Variants in DMAP1 observed in about 807,000 individuals in gnomAD.
The protein encoded by DMAP1 is DNA methyltransferase 1 associated protein 1, also known as DNA methyltransferase 1-associated protein 1.
DMAP1 carries 26 observed loss-of-function variants against 52.7 expected under a neutral mutation model. The ratio of observed to expected loss-of-function variants is 0.49; its 90% CI spans 0.36 to 0.68. The LOEUF is 0.68. Ranked by LOEUF, DMAP1 falls within the 30% of genes least tolerant of loss-of-function variation. The pLI is 0.00. For synonymous variants in DMAP1, 231 were observed against 246.0 expected, an observed-to-expected ratio of 0.94 and a Z score of 0.57; for missense variants, 439 against 625.2, an observed-to-expected ratio of 0.70 and a Z score of 3.18.
rs763717827 is a variant in DMAP1 at position 44,220,118 on chromosome 1, G to A, written c.1153G>A (p.Glu385Lys). Reference sequence around the variant, plus strand: ...GCTCAAGCAGGCCTGTGCCAACTGCGAGTATGAGCTGCAGATGCTGCGGCA... The same window carrying A: ...GCTCAAGCAGGCCTGTGCCAACTGCAAGTATGAGCTGCAGATGCTGCGGCA... Reference protein sequence around the residue: ...YELKQACANCEYELQMLRHRH... With the variant: ...YELKQACANCKYELQMLRHRH... Residue 385 changes from glutamate (E) to lysine (K), a missense_variant, in exon 9 of 10, where the codon GAG becomes AAG. By Grantham distance (56) the Glu-to-Lys change is moderately conservative (BLOSUM62 1). This residue lies in a region of DMAP1 where 179 missense variants were observed against 285.9 expected (regional missense o/e 0.63). Transcript: ENST00000372289. 1 of 1,612,710 alleles carries A rather than the reference G, an allele frequency of 6.2e-7. No homozygotes were observed. Among genetic ancestry groups the A allele is most frequent in the African/African-American group, 1.3e-5 (1 of 74,930 alleles).
chr1:44,214,559 G>T, intron 2 of DMAP1, 118 bp downstream of exon 2: 1 of 1,612,398 alleles, frequency 6.2e-7, no homozygotes, highest in African/African-American at 1.3e-5. Context: ...TGCTTGCTTA[G>T]CAGGATGCAG....
intron 3 of DMAP1, 160 bp downstream of exon 3, chr1:44,215,058 T>C: frequency 1.2e-6 from 1 of 819,116 alleles, no homozygotes. Context: ...AGTAGGACTC[T>C]GTGGGTCTTT....
chr1:44,219,860 C>T lies in DMAP1; in HGVS notation c.1033C>T (p.Leu345=), dbSNP rs1318251707. 1 of 1,614,228 alleles carries T rather than the reference C, an allele frequency of 6.2e-7. No homozygotes were observed. Among genetic ancestry groups the T allele is most frequent in the South Asian group, 1.1e-5 (1 of 91,086 alleles). ...GAAGATCAAGGCCCTGGAACAGATGCTGCTGGAGCTTGGTGTGGGTGAGTG... is the reference window on the plus strand; with the variant it reads ...GAAGATCAAGGCCCTGGAACAGATGTTGCTGGAGCTTGGTGTGGGTGAGTG... ...QKKIKALEQM[L]LELGVELSPT... The change falls in exon 8 of 10, where the codon CTG becomes TTG. Residue 345 remains leucine (L), a synonymous_variant. Transcript: ENST00000372289.
chr1:44,218,338 C>A lies in DMAP1; in HGVS notation c.421C>A (p.Gln141Lys). The change falls in exon 4 of 10, where the codon CAG becomes AAG. Residue 141 changes from glutamine (Q) to lysine (K), a missense_variant. Gln to Lys is a moderately conservative substitution (Grantham distance 53, BLOSUM62 1). Around this residue, in one of 3 missense-constraint regions of DMAP1, gnomAD observed 118 missense variants for 189.8 expected, o/e 0.62. Coordinates refer to ENST00000372289, the MANE Select transcript of DMAP1 (RefSeq NM_019100.5). This position sits in a 1 kb window ranked among gnomAD's most constrained non-coding sequence, Gnocchi z 5.6. ...TGTGCAGGTGCCTGTGTACTCGGAG[C>A]AGGAGTACCAGCTTTATCTCCACGA... ...KTVQVPVYSE[Q>K]EYQLYLHDDA... is the part of the protein sequence containing the mutation. 3 of 1,614,234 alleles carry A rather than the reference C, an allele frequency of 1.9e-6. No individual in the cohort carries two copies. Among genetic ancestry groups the A allele is most frequent in the Non-Finnish European group, 2.5e-6 (3 of 1,180,044 alleles).
Position 44,214,781 on chromosome 1 carries a change from G to A in DMAP1, c.276G>A (p.Val92=). ...AGGCCAAGTTGGGCTCCAAGAAGGT[G>A]CGGCCTTGGAAGTGGATGCCATTCA... is the stretch of plus-strand genomic sequence containing the variant. ...TVKAKLGSKK[V]RPWKWMPFTN... is the part of the protein sequence containing the mutation. The change falls in exon 3 of 10, where the codon GTG becomes GTA. Residue 92 remains valine, a synonymous_variant. Coordinates refer to ENST00000372289, the MANE Select transcript of DMAP1 (RefSeq NM_019100.5). 6.2e-7 allele frequency: 1 copy of A among 1,614,224 alleles called. No homozygotes were observed.
chr1:44,218,088 G>A lies in DMAP1; in HGVS notation c.394-223G>A, dbSNP rs1406071188. The A allele has an allele frequency of 6.3e-6, 4 of 635,886 alleles. No individual in the cohort carries two copies. The Admixed American group carries it at 6.8e-5, about 11-fold the overall frequency. The allele number at this position is 635,886 out of a possible 1,614,324, so 39.4% of individuals were successfully genotyped here. A position where few individuals can be genotyped will look rare whatever the true frequency, so the allele number is the denominator to read the frequency against. On this transcript the variant is annotated intron_variant, in intron 3 of 9. Coordinates refer to ENST00000372289, the MANE Select transcript of DMAP1 (RefSeq NM_019100.5). This position sits in a 1 kb window ranked among gnomAD's most constrained non-coding sequence, Gnocchi z 5.6. ...TCCCATGACTGAGGCTCTGGAGCTG[G>A]AGACAGTGAAGTTGATCCTGGAATA... is the stretch of plus-strand genomic sequence containing the variant.
rs768107239 is a variant in DMAP1, at chr1:44,220,274, A to G, written c.1309A>G (p.Ile437Val). The G allele has an allele frequency of 2.6e-6, 4 of 1,560,858 alleles. No individual in the cohort carries two copies. The highest frequency in any genetic ancestry group is 3.5e-6 in the Non-Finnish European group (4 of 1,148,428). Reference sequence around the variant, plus strand: ...TGGTCCTGACCCCAAGGACACCATCATTGATGTGGTGGGCGCACCCCTCAC... The same window carrying G: ...TGGTCCTGACCCCAAGGACACCATCGTTGATGTGGTGGGCGCACCCCTCAC... ...GLGPDPKDTI[I>V]DVVGAPLTPN... The change falls in exon 9 of 10, where the codon ATT becomes GTT. Residue 437 changes from isoleucine (I) to valine (V), a missense_variant. Coordinates refer to ENST00000372289, the MANE Select transcript of DMAP1 (RefSeq NM_019100.5).
intron 2 of DMAP1, 35 bp downstream of exon 2, chr1:44,214,476 G>A (rs1412942218): frequency 1.2e-6 from 2 of 1,613,586 alleles, no homozygotes; most frequent in Admixed American, 3.3e-5. Flanking sequence ...CCAGGTTTTG[G>A]CCCCTGATTC....
At chr1:44,219,918 G>A (rs765263768) in intron 8 of DMAP1, 40 bp downstream of exon 8, 29 of 1,613,642 alleles carry the variant, frequency 1.8e-5, no homozygotes, top group Non-Finnish European at 2.3e-5. Flanking sequence ...GTACCCACCC[G>A]AGGCTGTGGA....
rs1643855547 is a variant in DMAP1 at position 44,219,222 on chromosome 1, A to G, written c.887A>G (p.Lys296Arg). Residue 296 changes from lysine to arginine, a missense_variant, in exon 6 of 10, where the codon AAA becomes AGA. Coordinates refer to ENST00000372289, the MANE Select transcript of DMAP1 (RefSeq NM_019100.5). ...RKAPKKKLPQ[K>R]KEAEKPAVPE... Reference sequence around the variant, plus strand: ...GCCCCCAAAAAGAAGCTACCCCAGAAAAAGGAGGCTGAGAAGCCGGTGCGG... The same window carrying G: ...GCCCCCAAAAAGAAGCTACCCCAGAGAAAGGAGGCTGAGAAGCCGGTGCGG... The G allele has an allele frequency of 6.2e-7, 1 of 1,613,392 alleles. No homozygotes were observed. Among genetic ancestry groups the G allele is most frequent in the Non-Finnish European group, 8.5e-7 (1 of 1,179,854 alleles).
rs1389125429 is a variant in DMAP1 at position 44,215,740 on chromosome 1, C to T, written c.393+842C>T. The T allele has an allele frequency of 2.2e-5, 4 of 184,460 alleles. No homozygotes were observed. The South Asian group carries it at 3.1e-4, about 15-fold the overall frequency. The allele number at this position is 184,460 out of a possible 1,614,324, so 11.4% of individuals were successfully genotyped here. ...TTGATTCTTTTTCCATAATAAATCA[C>T]ATCTCTGACTATATTCTTCATCACT... On this transcript the variant is annotated intron_variant, in intron 3 of 9. Coordinates refer to ENST00000372289, the MANE Select transcript of DMAP1 (RefSeq NM_019100.5).
chr1:44,219,840 T>C lies in DMAP1; in HGVS notation c.1013T>C (p.Ile338Thr). ...CCAAGCTCTGTGGGACAGAAGAAGA[T>C]CAAGGCCCTGGAACAGATGCTGCTG... is the stretch of plus-strand genomic sequence containing the variant. ...KLPSSVGQKK[I>T]KALEQMLLEL... The change falls in exon 8 of 10, where the codon ATC (isoleucine) becomes ACC (threonine). Residue 338 changes from isoleucine (I) to threonine (T), a missense_variant. Ile to Thr is a moderately conservative substitution (Grantham distance 89). Transcript: ENST00000372289. 6.2e-7 allele frequency: 1 copy of C among 1,614,156 alleles called. No homozygotes were observed. The highest frequency in any genetic ancestry group is 1.1e-5 in the South Asian group (1 of 91,084).
intron 6 of DMAP1, 61 bp downstream of exon 6, chr1:44,219,302 C>G: frequency 6.3e-7 from 1 of 1,579,572 alleles, no homozygotes; most frequent in East Asian, 2.2e-5. Context: ...AGGCCTCACC[C>G]CGAGTGGAGG....
rs769406928 is a variant in DMAP1, at chr1:44,218,222, A to G, written c.394-89A>G. On this transcript the variant is annotated intron_variant, in intron 3 of 9. Transcript: ENST00000372289. The surrounding 1 kb of genome is among the most constrained non-coding windows in gnomAD (Gnocchi z 5.6). ...GCACAGGCCCAGGGTCTGGCAACAA[A>G]CAGGAGCAGCTGTGGTCACTGGGGC... The G allele has an allele frequency of 1.3e-6, 2 of 1,576,960 alleles. No homozygotes were observed.
rs546986751 is a variant in DMAP1 at position 44,219,115 on chromosome 1, G to A, written c.780G>A (p.Glu260=). 2 of 1,614,236 alleles carry A rather than the reference G, an allele frequency of 1.2e-6. No individual in the cohort carries two copies. The highest frequency in any genetic ancestry group is 1.1e-5 in the South Asian group (1 of 91,090). The change falls in exon 6 of 10, where the codon GAG becomes GAA. Residue 260 remains glutamate (E), a synonymous_variant. Transcript: ENST00000372289. ...GCAAGATTGAGGCCCGGAAGAAGGA[G>A]CGGGAGAAACGCAGCCAGGACCTGC... ...ELRKIEARKK[E]REKRSQDLQK... is the part of the protein sequence containing the mutation.
chr1:44,219,500 C>T (rs201621376), intron 7 of DMAP1, 23 bp downstream of exon 7: 3 of 1,553,562 alleles, frequency 1.9e-6, no homozygotes, highest in Non-Finnish European at 2.6e-6. Flanking sequence ...CCTCCTTTAG[C>T]AAGTTTGGGT....
intron 3 of DMAP1, chr1:44,215,464 C>T (rs1055850963): frequency 5.3e-6 from 2 of 377,534 alleles, no homozygotes; most frequent in African/African-American, 4.2e-5. Context: ...TCCCTTAGTC[C>T]TCACAGTATT....
rs1024243475 is a variant in DMAP1, at chr1:44,220,288, C to T, written c.1323C>T (p.Gly441=). 15 of 1,551,692 alleles carry T rather than the reference C, an allele frequency of 9.7e-6. No homozygotes were observed. The highest frequency in any genetic ancestry group is 4.5e-5 in the East Asian group (2 of 44,074). The change falls in exon 9 of 10, where the codon GGC becomes GGT. Residue 441 remains glycine, a synonymous_variant. Transcript: ENST00000372289. ...AGGACACCATCATTGATGTGGTGGGCGCACCCCTCACGCCCAATTCGGTAA... is the reference window on the plus strand; with the variant it reads ...AGGACACCATCATTGATGTGGTGGGTGCACCCCTCACGCCCAATTCGGTAA... ...DPKDTIIDVV[G]APLTPNSRKR...
In DMAP1 at chr1:44,218,867, CTTA is replaced by C; in HGVS notation, c.720+116_720+118del. On this transcript the variant is annotated intron_variant, in intron 5 of 9. Coordinates refer to ENST00000372289, the MANE Select transcript of DMAP1 (RefSeq NM_019100.5). The surrounding 1 kb of genome is among the most constrained non-coding windows in gnomAD (Gnocchi z 5.6). The stretch of plus-strand genomic sequence containing the variant: ...AGGTCCCCCTGCCTCCCACTGATAC[CTTA>C]TTAACTGCCCCAAGCCCATTCCTAC... 6.8e-7 allele frequency: 1 copy of C among 1,464,232 alleles called. No homozygotes were observed. Among genetic ancestry groups the C allele is most frequent in the South Asian group, 1.3e-5 (1 of 74,898 alleles). The allele number at this position is 1,464,232 out of a possible 1,614,324, so 90.7% of individuals were successfully genotyped here.
Sources: gnomAD v4.1 joint callset for allele counts on GRCh38, gnomAD v4.1.1 for gene constraint, gnomAD v4.1.1 regional missense constraint, Gnocchi (gnomAD v3.1) non-coding constraint, MANE v1.5 for transcripts, NCBI Gene and HGNC (gene_info 2026-07-23, HGNC 2026-07-21) for gene names.